The following ADCY8 variants were observed in gnomAD, a reference collection of about 807,000 sequenced individuals.
ADCY8 encodes the protein adenylate cyclase type 8.
Under a neutral mutation model 119.7 loss-of-function variants are expected in ADCY8, and 51 were observed. The ratio of observed to expected loss-of-function variants is 0.43; its 90% CI spans 0.34 to 0.54. The LOEUF (loss-of-function observed/expected upper bound fraction) is 0.54, where lower values mean the gene tolerates loss of function less well. Among genes scored for constraint, ADCY8 ranks in the 20% least tolerant of loss-of-function variants. The pLI, the probability that ADCY8 is intolerant of heterozygous loss-of-function variation, is 0.03. For synonymous variants in ADCY8, 665 were observed against 651.0 expected (o/e 1.02, Z -0.33); for missense variants, 1,383 against 1,598.8 (o/e 0.87, Z 2.30).
intron 5 of ADCY8, among the ~76,000 whole-genome samples, chr8:130,922,105 C>T (rs569714970): frequency 9.2e-5 from 14 of 152,194 alleles, no homozygotes; most frequent in African/African-American, 2.9e-4. Context: ...TGCCTCCTTG[C>T]GCTTTCACAG....
chr8:130,932,053 G>A (rs113195962), intron 5 of ADCY8, among the ~76,000 whole-genome samples: 2 of 152,112 alleles, frequency 1.3e-5, no homozygotes, highest in Non-Finnish European at 2.9e-5. Flanking sequence ...GAATAAGTAA[G>A]TCCTTATTAT....
At chr8:130,884,533 A>G (rs754779982) in intron 8 of ADCY8, 31 bp downstream of exon 8, 4 of 1,610,798 alleles carry the variant, frequency 2.5e-6, no homozygotes, top group African/African-American at 2.7e-5. Flanking sequence ...ATTTACTCAG[A>G]AAAAGAGCCG....
Position 130,909,781 on chromosome 8 carries a change from T to G in ADCY8, c.1567A>C (p.Arg523=), listed in dbSNP as rs12545028. The G allele has an allele frequency of 0.17, 268,712 of 1,613,924 alleles. 23,237 individuals are homozygous for G. Among genetic ancestry groups the G allele is most frequent in the Non-Finnish European group, 0.18 (212,982 of 1,179,926 alleles). The change falls in exon 6 of 18, where the codon AGG becomes CGG. Residue 523 remains arginine (R), a synonymous_variant. Transcript: ENST00000286355. ...GACCAGACATCAAACTGCCACTTCC[T>G]TAGTCCCAAAACACCGCACAGCACC... ...GSVLCGVLGL[R]KWQFDVWSWD...
intron 9 of ADCY8, among the ~76,000 whole-genome samples, chr8:130,866,483 A>C (rs1818128323): frequency 6.6e-6 from 1 of 152,170 alleles, no homozygotes; most frequent in South Asian, 2.1e-4. Context: ...TGTCTACTAT[A>C]TTCTTGCACA....
At chr8:131,020,041 G>A (rs1255372077) in intron 1 of ADCY8, among the ~76,000 whole-genome samples, 2 of 152,092 alleles carry the variant, frequency 1.3e-5, no homozygotes, top group Non-Finnish European at 2.9e-5. Context: ...CAGCTGAGGG[G>A]TAGAAGATGG....
intron 1 of ADCY8, among the ~76,000 whole-genome samples, chr8:131,038,435 A>G (rs1231304744): frequency 6.6e-6 from 1 of 152,178 alleles, no homozygotes; most frequent in Non-Finnish European, 1.5e-5. Flanking sequence ...GTTACCTACC[A>G]TACATTTTGC....
chr8:130,862,097 T>TTTTATG lies in ADCY8; in HGVS notation c.2210+5743_2210+5748dup, dbSNP rs1277188340. On this transcript the variant is annotated intron_variant, in intron 9 of 17. Transcript: ENST00000286355. Reference sequence around the variant, plus strand: ...CATTTGCTAATATTTTGTTGAGAGGTTTTATGTTTATGTTTATGAGATATT... The same window carrying TTTTATG: ...CATTTGCTAATATTTTGTTGAGAGGTTTTATGTTTATGTTTATGTTTATGAGATATT... 2.0e-5 allele frequency among the ~76,000 whole-genome samples: 3 copies of TTTTATG among 152,228 alleles called. No individual in the cohort carries two copies. The East Asian group carries it at 5.8e-4, about 29-fold the overall frequency.
chr8:130,787,015 G>A (rs557811242), intron 15 of ADCY8, among the ~76,000 whole-genome samples: 37 of 152,270 alleles, frequency 2.4e-4, no homozygotes, highest in Admixed American at 2.2e-3. Flanking sequence ...GAGTGAAGAC[G>A]AGGTCAGTTT....
intron 14 of ADCY8, among the ~76,000 whole-genome samples, chr8:130,801,795 C>A (rs925319691): frequency 1.2e-4 from 19 of 152,016 alleles, no homozygotes; most frequent in African/African-American, 4.3e-4. Flanking sequence ...TGGACACCTG[C>A]AGATTGGTGT....
In ADCY8 at chr8:130,897,069, A is replaced by T. The variant is rs769037611; in HGVS notation, c.1911+6703T>A. 2.6e-5 allele frequency among the ~76,000 whole-genome samples: 4 copies of T among 152,272 alleles called. No homozygotes were observed. The East Asian group carries it at 7.7e-4, about 29-fold the overall frequency. On this transcript the variant is annotated intron_variant, in intron 7 of 17. Transcript: ENST00000286355. The stretch of plus-strand genomic sequence containing the variant: ...GTAGCAACTGGACAAATCTGACTCC[A>T]ACTCAGTTCTGCTTAGTTTCTATTC...
intron 8 of ADCY8, among the ~76,000 whole-genome samples, chr8:130,875,365 C>T (rs2130426649): frequency 6.6e-6 from 1 of 152,208 alleles, no homozygotes; most frequent in South Asian, 2.1e-4. Context: ...CAGAATAAAT[C>T]TTTAAAAATC....
At chr8:130,851,120 C>T (rs950732070) in intron 9 of ADCY8, among the ~76,000 whole-genome samples, 3 of 152,070 alleles carry the variant, frequency 2.0e-5, no homozygotes, top group African/African-American at 7.2e-5. Flanking sequence ...ATCTTTTTTG[C>T]TTTTATGGTT....
At chr8:131,031,023 C>T (rs891078728) in intron 1 of ADCY8, among the ~76,000 whole-genome samples, 2 of 152,166 alleles carry the variant, frequency 1.3e-5, no homozygotes, top group African/African-American at 4.8e-5. Flanking sequence ...TGACTTTCAA[C>T]TGACCTTGAA....
intron 14 of ADCY8, among the ~76,000 whole-genome samples, chr8:130,804,111 T>C (rs1253414796): frequency 6.6e-6 from 1 of 152,246 alleles, no homozygotes; most frequent in Non-Finnish European, 1.5e-5. Context: ...TGCATCCTCC[T>C]AATGGCTGTG....
chr8:130,966,904 T>G (rs993565330), intron 2 of ADCY8, among the ~76,000 whole-genome samples: 2 of 152,246 alleles, frequency 1.3e-5, no homozygotes, highest in Admixed American at 6.5e-5. Flanking sequence ...CTGGCAAGCC[T>G]GCTCTATTTT....
At chr8:130,887,866 A>C (rs1407708460) in intron 7 of ADCY8, among the ~76,000 whole-genome samples, 1 of 30,220 alleles carries the variant, frequency 3.3e-5, no homozygotes, top group Admixed American at 5.0e-4. Context: ...ATACACTGAT[A>C]TATTCACTAT....
chr8:130,989,339 T>C (rs900650489), intron 2 of ADCY8, among the ~76,000 whole-genome samples: 1 of 152,182 alleles, frequency 6.6e-6, no homozygotes, highest in African/African-American at 2.4e-5. Flanking sequence ...TGGCTTCACT[T>C]ACTTCAAAGA....
intron 15 of ADCY8, among the ~76,000 whole-genome samples, chr8:130,791,658 G>A (rs1265453586): frequency 6.6e-6 from 1 of 152,188 alleles, no homozygotes; most frequent in African/African-American, 2.4e-5. Flanking sequence ...CCTTTGGCAG[G>A]AGATTATAGT....
intron 3 of ADCY8, among the ~76,000 whole-genome samples, chr8:130,944,081 G>C (rs1821037231): frequency 6.6e-6 from 1 of 152,202 alleles, no homozygotes; most frequent in Non-Finnish European, 1.5e-5. Context: ...ATAAGGGACA[G>C]GGCAGCTTCC....
Sources: gnomAD v4.1 joint callset for allele counts (sites outside exome capture counted in the v4.1 genomes callset) on GRCh38, gnomAD v4.1.1 for gene constraint, MANE v1.5 for transcripts, NCBI Gene and HGNC (gene_info 2026-07-23, HGNC 2026-07-21) for gene names.